The following SLC45A4 variants were observed in gnomAD, a reference collection of about 807,000 sequenced individuals.
SLC45A4 encodes the protein polyamine-transporter SLC45A4.
Under a neutral mutation model 63.7 loss-of-function variants are expected in SLC45A4, and 32 were observed. That is an observed-to-expected ratio of 0.50 (90% CI 0.38 to 0.67). The LOEUF is 0.67. Among genes scored for constraint, SLC45A4 ranks in the 30% least tolerant of loss-of-function variants. The pLI is 0.00. For synonymous variants in SLC45A4, 535 were observed against 510.0 expected (o/e 1.05, Z -0.66); for missense variants, 1,027 against 1,157.7 (o/e 0.89, Z 1.64).
intron 1 of SLC45A4, among the ~76,000 whole-genome samples, chr8:141,296,327 CCT>C (rs1489713983): frequency 6.6e-6 from 1 of 150,964 alleles, no homozygotes; most frequent in Non-Finnish European, 1.5e-5. Flanking sequence ...AGAGTGAGAC[CCT>C]GTTTCAAAAA....
At chr8:141,246,054 C>G (rs1456885842) in intron 2 of SLC45A4, among the ~76,000 whole-genome samples, 3 of 152,194 alleles carry the variant, frequency 2.0e-5, no homozygotes, top group Non-Finnish European at 4.4e-5. Context: ...CTTGCTATTG[C>G]TTGATATTTC....
At chr8:141,222,720 C>T (rs1227831269) in intron 2 of SLC45A4, among the ~76,000 whole-genome samples, 1 of 152,244 alleles carries the variant, frequency 6.6e-6, no homozygotes, top group African/African-American at 2.4e-5. Flanking sequence ...CAGCGCTGAG[C>T]GAAGCAGCCA....
At chr8:141,250,305 C>G (rs1436681070) in intron 2 of SLC45A4, among the ~76,000 whole-genome samples, 2 of 151,984 alleles carry the variant, frequency 1.3e-5, no homozygotes, top group Non-Finnish European at 2.9e-5. Context: ...ACTTTGAGTA[C>G]AGTATTCAAT....
At chr8:141,240,452 C>T (rs773138926) in intron 2 of SLC45A4, among the ~76,000 whole-genome samples, 15 of 152,228 alleles carry the variant, frequency 9.9e-5, no homozygotes, top group Non-Finnish European at 2.2e-4. Context: ...GGGAAAAACA[C>T]ATCCCAGCGG....
intron 2 of SLC45A4, among the ~76,000 whole-genome samples, chr8:141,251,011 T>C (rs1025703859): frequency 2.6e-5 from 4 of 152,166 alleles, no homozygotes; most frequent in Non-Finnish European, 2.9e-5. Flanking sequence ...TAGAGAAAAT[T>C]AGGGAAAAGC....
chr8:141,266,212 G>T (rs533282342), intron 1 of SLC45A4, among the ~76,000 whole-genome samples: 1 of 152,296 alleles, frequency 6.6e-6, no homozygotes, highest in African/African-American at 2.4e-5. Context: ...GACCACAAAC[G>T]TGTGCTGCCC....
chr8:141,226,154 C>T (rs756908079), intron 2 of SLC45A4: 1 of 152,326 alleles, frequency 6.6e-6, no homozygotes, highest in Admixed American at 6.5e-5. Flanking sequence ...TGTCAGGGCC[C>T]GCGTTCCAAT....
intron 1 of SLC45A4, among the ~76,000 whole-genome samples, chr8:141,295,780 G>A (rs1420781040): frequency 1.3e-5 from 2 of 152,214 alleles, no homozygotes; most frequent in Non-Finnish European, 2.9e-5. Flanking sequence ...TGAACGTGAT[G>A]AGAAAAAACA....
At chr8:141,263,389 G>A (rs1382038344) in intron 1 of SLC45A4, among the ~76,000 whole-genome samples, 4 of 61,220 alleles carry the variant, frequency 6.5e-5, no homozygotes, top group African/African-American at 2.6e-4. Flanking sequence ...AAAAAAAGAA[G>A]AAGAAAAAAG....
chr8:141,221,202 C>T (rs1044144728), intron 3 of SLC45A4, among the ~76,000 whole-genome samples: 2 of 152,224 alleles, frequency 1.3e-5, no homozygotes, highest in Admixed American at 1.3e-4. Flanking sequence ...AAAACAACAA[C>T]CAAGAAGGCA....
intron 1 of SLC45A4, among the ~76,000 whole-genome samples, chr8:141,283,814 C>G (rs1032453215): frequency 6.6e-6 from 1 of 152,182 alleles, no homozygotes; most frequent in Admixed American, 6.5e-5. Context: ...CAGCAGGGCC[C>G]ATGATGGCTG....
intron 1 of SLC45A4, among the ~76,000 whole-genome samples, chr8:141,268,619 T>C (rs1006513678): frequency 1.3e-5 from 2 of 152,212 alleles, no homozygotes; most frequent in Non-Finnish European, 1.5e-5. Context: ...GAAAGTAGTT[T>C]GTTGATTTTC....
chr8:141,284,406 C>T (rs774239693), intron 1 of SLC45A4, among the ~76,000 whole-genome samples: 7 of 152,234 alleles, frequency 4.6e-5, no homozygotes, highest in Non-Finnish European at 8.8e-5. Flanking sequence ...GGAGGGGCCA[C>T]CCCCAGCACT....
At chr8:141,261,594 G>A (rs1829039757) in intron 1 of SLC45A4, among the ~76,000 whole-genome samples, 1 of 152,140 alleles carries the variant, frequency 6.6e-6, no homozygotes. Flanking sequence ...CAAACAGAGA[G>A]CCAAATCATG....
At chr8:141,250,681 G>C (rs1828421775) in intron 2 of SLC45A4, among the ~76,000 whole-genome samples, 1 of 152,206 alleles carries the variant, frequency 6.6e-6, no homozygotes, top group African/African-American at 2.4e-5. Flanking sequence ...TGCCCAGCCT[G>C]ATGTGAGTGT....
At chr8:141,265,596 A>G (rs1829234791) in intron 1 of SLC45A4, among the ~76,000 whole-genome samples, 1 of 152,226 alleles carries the variant, frequency 6.6e-6, no homozygotes, top group Admixed American at 6.5e-5. Context: ...TCTAGTACAC[A>G]GCTGAAAACT....
intron 1 of SLC45A4, among the ~76,000 whole-genome samples, chr8:141,261,754 C>T (rs1829045212): frequency 1.3e-5 from 2 of 152,158 alleles, no homozygotes; most frequent in South Asian, 4.1e-4. Context: ...ACATTCCATG[C>T]TCATGGGTAG....
At chr8:141,300,952 A>C (rs978465359) in intron 1 of SLC45A4, among the ~76,000 whole-genome samples, 1 of 152,236 alleles carries the variant, frequency 6.6e-6, no homozygotes, top group Non-Finnish European at 1.5e-5. Flanking sequence ...CAAGTGTGCG[A>C]ACACAGCACA....
At chr8:141,216,993 T>G in intron 6 of SLC45A4, 97 bp downstream of exon 6, 1 of 1,253,062 alleles carries the variant, frequency 8.0e-7, no homozygotes. Context: ...GTGCGACTGA[T>G]GGCCCCAGCT....
Sources: allele counts gnomAD v4.1 joint callset (sites outside exome capture counted in the v4.1 genomes callset), GRCh38; gene constraint gnomAD v4.1.1; transcripts MANE v1.5; gene names NCBI Gene and HGNC (gene_info 2026-07-23, HGNC 2026-07-21).